Variants in SLC39A11 observed in about 807,000 individuals in gnomAD.
The protein encoded by SLC39A11 is solute carrier family 39 member 11.
In SLC39A11, 33 loss-of-function variants were observed where a neutral mutation model predicts 36.1. The observed-to-expected ratio is 0.91, with a 90% CI of 0.69 to 1.22. The LOEUF (loss-of-function observed/expected upper bound fraction) is 1.22, where lower values mean the gene tolerates loss of function less well. Among genes scored for constraint, SLC39A11 ranks in the 50% most tolerant of loss-of-function variants. The pLI, the probability that SLC39A11 is intolerant of heterozygous loss-of-function variation, is 0.00. For synonymous variants in SLC39A11, 166 were observed against 170.3 expected, an observed-to-expected ratio of 0.97 and a Z score of 0.20; for missense variants, 432 against 430.3, an observed-to-expected ratio of 1.00 and a Z score of -0.03.
chr17:73,049,111 C>T (rs1489114005), intron 3 of SLC39A11, among the ~76,000 whole-genome samples: 1 of 152,216 alleles, frequency 6.6e-6, no homozygotes, highest in African/African-American at 2.4e-5. Context: ...AACTGTGCCA[C>T]CCAACTGCGA....
intron 6 of SLC39A11, among the ~76,000 whole-genome samples, chr17:72,846,828 A>G (rs2079074606): frequency 6.6e-6 from 1 of 152,204 alleles, no homozygotes; most frequent in Non-Finnish European, 1.5e-5. Flanking sequence ...AATTGGCTAA[A>G]GAAGGGGTCA....
At chr17:73,084,674 A>G in intron 3 of SLC39A11, 134 bp downstream of exon 3, 1 of 769,816 alleles carries the variant, frequency 1.3e-6, no homozygotes, top group Non-Finnish European at 2.3e-6. Flanking sequence ...AGGTGATAAG[A>G]GGGAGGTGTT....
chr17:72,782,720 G>T, intron 6 of SLC39A11, among the ~76,000 whole-genome samples: 1 of 139,838 alleles, frequency 7.2e-6, no homozygotes, highest in Non-Finnish European at 1.5e-5. Flanking sequence ...AAAAAAGCAG[G>T]CCCAGCACAG....
chr17:72,929,755 G>A (rs1353344313), intron 5 of SLC39A11, among the ~76,000 whole-genome samples: 2 of 152,090 alleles, frequency 1.3e-5, no homozygotes, highest in Non-Finnish European at 2.9e-5. Context: ...TGCTACCCTT[G>A]GAAACTGGAT....
rs575795021 is a variant in SLC39A11, at chr17:72,852,716, A to G, written c.431-2912T>C. Among the ~76,000 whole-genome samples the G allele has an allele frequency of 9.7e-4, 147 of 152,316 alleles. 1 individual carries two copies. The South Asian group carries it at 0.028, about 29-fold the overall frequency. The stretch of plus-strand genomic sequence containing the variant: ...CACACATTGGGGGAAGGGGTTTTAT[A>G]CATTTTGAGTAGACAATATGTAGAT... On this transcript the variant is annotated intron_variant, in intron 5 of 9. Transcript: ENST00000255559.
intron 3 of SLC39A11, among the ~76,000 whole-genome samples, chr17:73,076,548 T>A (rs544679784): frequency 1.3e-5 from 2 of 152,216 alleles, no homozygotes; most frequent in Non-Finnish European, 2.9e-5. Flanking sequence ...TGTGTAGACA[T>A]CTGTGCAAGG....
chr17:73,088,597 C>T lies in SLC39A11; in HGVS notation c.108+60G>A, dbSNP rs961875373. ...TACAAACCTGCTCCATGGAGTGGGACAGTGCCCCTTTACCAACGGGCTCCC... is the reference window on the plus strand; with the variant it reads ...TACAAACCTGCTCCATGGAGTGGGATAGTGCCCCTTTACCAACGGGCTCCC... On this transcript the variant is annotated intron_variant, in intron 2 of 9. Transcript: ENST00000255559. 2.2e-6 allele frequency: 3 copies of T among 1,340,748 alleles called. No homozygotes were observed. The Admixed American group carries it at 5.7e-5, about 25-fold the overall frequency. 83.1% of individuals were successfully genotyped at this position (1,340,748 alleles called of 1,614,324 possible). A position where few individuals can be genotyped will look rare whatever the true frequency, so the allele number is the denominator to read the frequency against.
intron 6 of SLC39A11, among the ~76,000 whole-genome samples, chr17:72,757,433 G>A (rs935803718): frequency 3.3e-5 from 5 of 152,234 alleles, no homozygotes; most frequent in South Asian, 2.1e-4. Flanking sequence ...AAAGGTGGGC[G>A]CTGAGTCTCT....
At chr17:72,868,859 G>A (rs1304449271) in intron 5 of SLC39A11, among the ~76,000 whole-genome samples, 1 of 151,934 alleles carries the variant, frequency 6.6e-6, no homozygotes, top group African/African-American at 2.4e-5. Context: ...TAAAAATGTA[G>A]AAATGTTCGC....
chr17:72,716,976 A>C (rs1417494523), intron 7 of SLC39A11, among the ~76,000 whole-genome samples: 2 of 119,632 alleles, frequency 1.7e-5, no homozygotes, highest in Non-Finnish European at 3.4e-5. Flanking sequence ...CTCAAAAAAA[A>C]AAAAATATAT....
chr17:72,755,581 T>C (rs1242657368), intron 6 of SLC39A11, among the ~76,000 whole-genome samples: 1 of 152,234 alleles, frequency 6.6e-6, no homozygotes, highest in Non-Finnish European at 1.5e-5. Context: ...TTGGTAAATT[T>C]AAAGTCAGGC....
intron 4 of SLC39A11, among the ~76,000 whole-genome samples, chr17:73,003,310 C>A (rs1303470192): frequency 4.6e-5 from 7 of 152,190 alleles, no homozygotes; most frequent in African/African-American, 1.4e-4. Flanking sequence ...ATCATTACAA[C>A]AGAAATTGAG....
chr17:73,089,255 C>A (rs1488038303), intron 1 of SLC39A11, among the ~76,000 whole-genome samples: 1 of 152,154 alleles, frequency 6.6e-6, no homozygotes, highest in Non-Finnish European at 1.5e-5. Context: ...CAACAGCGCA[C>A]CTGCCCAGCC....
At chr17:72,933,268 T>G (rs887582390) in intron 5 of SLC39A11, among the ~76,000 whole-genome samples, 3 of 152,214 alleles carry the variant, frequency 2.0e-5, no homozygotes, top group Non-Finnish European at 2.9e-5. Context: ...TCAATTATAT[T>G]TCTATATACT....
intron 5 of SLC39A11, among the ~76,000 whole-genome samples, chr17:72,917,422 G>A (rs190800676): frequency 6.6e-6 from 1 of 152,272 alleles, no homozygotes; most frequent in East Asian, 1.9e-4. Context: ...GCGAGTTGGG[G>A]AAAATCACTA....
intron 5 of SLC39A11, among the ~76,000 whole-genome samples, chr17:72,911,160 T>C (rs758380223): frequency 6.6e-6 from 1 of 152,046 alleles, no homozygotes; most frequent in Non-Finnish European, 1.5e-5. Context: ...GCCTCCACCA[T>C]ACGGATTTAG....
At chr17:72,980,565 C>T (rs1231437051) in intron 4 of SLC39A11, among the ~76,000 whole-genome samples, 1 of 152,114 alleles carries the variant, frequency 6.6e-6, no homozygotes, top group African/African-American at 2.4e-5. Flanking sequence ...CTAAAGTTCA[C>T]ATGGGAAAAT....
intron 6 of SLC39A11, among the ~76,000 whole-genome samples, chr17:72,783,199 A>ATTGAAT (rs371044925): frequency 2.0e-5 from 3 of 148,154 alleles, no homozygotes; most frequent in African/African-American, 8.0e-5. Flanking sequence ...CTCACCAGAC[A>ATTGAAT]CTGAATCTGA....
At chr17:73,018,810 TGAG>T (rs989158585) in intron 4 of SLC39A11, among the ~76,000 whole-genome samples, 2 of 147,022 alleles carry the variant, frequency 1.4e-5, no homozygotes, top group African/African-American at 5.0e-5. Context: ...TTACTAGACA[TGAG>T]AAGAAACAAG....
Sources: allele counts gnomAD v4.1 joint callset (sites outside exome capture counted in the v4.1 genomes callset), GRCh38; gene constraint gnomAD v4.1.1; transcripts MANE v1.5; gene names NCBI Gene and HGNC (gene_info 2026-07-23, HGNC 2026-07-21).